The following NMNAT1 variants were observed in gnomAD, a reference collection of about 807,000 sequenced individuals.
NMNAT1 encodes the protein nicotinamide/nicotinic acid mononucleotide adenylyltransferase 1.
NMNAT1 carries 11 observed loss-of-function variants against 16.7 expected under a neutral mutation model. The ratio of observed to expected loss-of-function variants is 0.66; its 90% CI spans 0.41 to 1.09. NMNAT1 has a LOEUF of 1.09. Ranked by LOEUF, NMNAT1 falls within the 50% of genes least tolerant of loss-of-function variation. NMNAT1 has a pLI of 0.00. For missense variants in NMNAT1, 280 were observed against 332.3 expected (o/e 0.84, Z 1.22); for synonymous variants, 110 against 119.8 (o/e 0.92, Z 0.53).
chr1:9,986,558 C>G (rs1048787436), downstream of NMNAT1, among the ~76,000 whole-genome samples: 2 of 152,060 alleles, frequency 1.3e-5, no homozygotes, highest in Non-Finnish European at 2.9e-5. Flanking sequence ...ATAGCAAGAT[C>G]CTATCTTTAG....
intron 4 of NMNAT1, among the ~76,000 whole-genome samples, chr1:9,982,050 A>G (rs528430802): frequency 1.2e-4 from 19 of 152,134 alleles, no homozygotes; most frequent in African/African-American, 4.6e-4. Context: ...TTTAGTAGAA[A>G]CGGTATTTCA....
chr1:9,959,682 C>G (rs1641358211), intron 1 of NMNAT1, among the ~76,000 whole-genome samples: 1 of 151,792 alleles, frequency 6.6e-6, no homozygotes. Context: ...TCTGTCCCCC[C>G]ACCAAAAAAA....
chr1:9,978,439 G>A (rs1641863016), intron 3 of NMNAT1, among the ~76,000 whole-genome samples: 1 of 152,216 alleles, frequency 6.6e-6, no homozygotes, highest in African/African-American at 2.4e-5. Context: ...TCTCAGGAGA[G>A]AATCTCATTA....
At chr1:9,967,472 A>G (rs1641575002) in intron 1 of NMNAT1, 1 of 152,700 alleles carries the variant, frequency 6.5e-6, no homozygotes, top group Non-Finnish European at 1.5e-5. Context: ...GAAAGATTAG[A>G]AAGCAAAGCG....
At chr1:9,952,711 G>T (rs1257415447) in intron 1 of NMNAT1, among the ~76,000 whole-genome samples, 3 of 151,696 alleles carry the variant, frequency 2.0e-5, no homozygotes, top group Non-Finnish European at 4.4e-5. Flanking sequence ...GTAATTTTTT[G>T]TATTTTTAGT....
At chr1:9,961,570 A>G (rs75722914) in intron 1 of NMNAT1, among the ~76,000 whole-genome samples, 2,573 of 152,270 alleles carry the variant, frequency 0.017, 49 homozygotes, top group African/African-American at 0.045. Flanking sequence ...GATAAAGGGT[A>G]TGGGTACAAG....
chr1:9,987,067 G>A (rs983043394), downstream of NMNAT1, among the ~76,000 whole-genome samples: 24 of 152,000 alleles, frequency 1.6e-4, no homozygotes, highest in Admixed American at 1.3e-4. Context: ...GCGTGGTGGC[G>A]GGCACCTGTA....
At chr1:9,989,731 C>G (rs1383463048), downstream of NMNAT1, among the ~76,000 whole-genome samples, 1 of 152,174 alleles carries the variant, frequency 6.6e-6, no homozygotes, top group East Asian at 1.9e-4. Context: ...TACCTCATTC[C>G]TCCTGGACAC....
intron 3 of NMNAT1, among the ~76,000 whole-genome samples, chr1:9,980,168 G>A (rs1478239852): frequency 6.6e-6 from 1 of 151,802 alleles, no homozygotes; most frequent in African/African-American, 2.4e-5. Flanking sequence ...CTGACCTCAG[G>A]TGATCCACCC....
In NMNAT1 at chr1:9,956,175, T is replaced by C. The variant is rs544437138; in HGVS notation, c.-57+12660T>C. Among the ~76,000 whole-genome samples the C allele has an allele frequency of 1.5e-3, 231 of 151,090 alleles. 1 individual carries two copies. The highest frequency in any genetic ancestry group is 5.2e-3 in the African/African-American group (215 of 41,370). The stretch of plus-strand genomic sequence containing the variant: ...ACGTTTACCATGTTTCTTTTCTTTT[T>C]TTTTTTTTTTTTGAGACAGAGTTTT... On this transcript the variant is annotated intron_variant, in intron 1 of 4. Coordinates refer to ENST00000377205, the MANE Select transcript of NMNAT1 (RefSeq NM_022787.4).
chr1:9,970,704 G>A (rs987819136), intron 1 of NMNAT1, among the ~76,000 whole-genome samples: 8 of 150,258 alleles, frequency 5.3e-5, no homozygotes, highest in Non-Finnish European at 1.2e-4. Context: ...AAAAAAAAAA[G>A]AAATTTTAAT....
At chr1:9,943,474 T>C (rs1000377735), upstream of NMNAT1, 1 of 152,260 alleles carries the variant, frequency 6.6e-6, no homozygotes, top group African/African-American at 2.4e-5. Context: ...GGGCCGCTGG[T>C]GATCTCCGGT....
At chr1:9,974,004 A>AT (rs1351076112) in intron 2 of NMNAT1, among the ~76,000 whole-genome samples, 1 of 151,712 alleles carries the variant, frequency 6.6e-6, no homozygotes, top group Non-Finnish European at 1.5e-5. Context: ...TGCCCGGCCC[A>AT]TTTTTGTATT....
chr1:9,980,152 G>A (rs115832640), intron 3 of NMNAT1, among the ~76,000 whole-genome samples: 2,670 of 151,692 alleles, frequency 0.018, 33 homozygotes, highest in Non-Finnish European at 0.027. Flanking sequence ...GCTGTGTCTC[G>A]AACTCCTGAC....
the NMNAT1 span, among the ~76,000 whole-genome samples, chr1:9,996,110 G>C: frequency 6.6e-6 from 1 of 152,014 alleles, no homozygotes; most frequent in South Asian, 2.1e-4. Context: ...ATGAGATCGA[G>C]ACCATCCTGG....
chr1:9,995,456 G>A, the NMNAT1 span, among the ~76,000 whole-genome samples: 41 of 152,142 alleles, frequency 2.7e-4, no homozygotes, highest in East Asian at 7.9e-3. Context: ...ACTTTGGGAA[G>A]CTTAGGTGGG....
At chr1:9,949,410 CTTTTTTTTT>C (rs35755485) in intron 1 of NMNAT1, among the ~76,000 whole-genome samples, 1 of 118,110 alleles carries the variant, frequency 8.5e-6, no homozygotes, top group Non-Finnish European at 1.7e-5. Context: ...TCTTCCACTG[CTTTTTTTTT>C]TTTTTTTTGA....
chr1:9,957,871 CAT>C (rs745929122), intron 1 of NMNAT1, among the ~76,000 whole-genome samples: 7 of 152,220 alleles, frequency 4.6e-5, no homozygotes, highest in Middle Eastern at 3.4e-3. Context: ...TCTGAAAGAA[CAT>C]ATTAAGTAAT....
rs745824270 is a variant in NMNAT1, at chr1:9,972,203, C to T, written c.115+15C>T. 2.0e-5 allele frequency: 29 copies of T among 1,445,620 alleles called. No individual in the cohort carries two copies. In the South Asian group the frequency reaches 3.0e-4, roughly 15 times the overall value. The allele number at this position is 1,445,620 out of a possible 1,614,324, so 89.5% of individuals were successfully genotyped here. A position where few individuals can be genotyped will look rare whatever the true frequency, so the allele number is the denominator to read the frequency against. On this transcript the variant is annotated intron_variant, in intron 2 of 4. Transcript: ENST00000377205. ...GAATGGAACAGGTAGGAGCAGTAAC[C>T]AAAAGTGGCTTAAGACTAGAGAACC...
Sources: gnomAD v4.1 joint callset for allele counts (sites outside exome capture counted in the v4.1 genomes callset) on GRCh38, gnomAD v4.1.1 for gene constraint, MANE v1.5 for transcripts, NCBI Gene and HGNC (gene_info 2026-07-23, HGNC 2026-07-21) for gene names.